Variants in RUNX2 observed in about 807,000 individuals in gnomAD.
RUNX2 encodes the protein RUNX family transcription factor 2, also known as runt-related transcription factor 2.
In RUNX2, 10 loss-of-function variants were observed where a neutral mutation model predicts 51.7. That is an observed-to-expected ratio of 0.19 (90% CI 0.12 to 0.33). RUNX2 has a LOEUF of 0.33. Among genes scored for constraint, RUNX2 ranks in the 10% least tolerant of loss-of-function variants. The probability of loss-of-function intolerance (pLI) is 1.00; values close to 1 mark genes in which losing one functional copy is unlikely to be tolerated. For missense variants in RUNX2, 562 were observed against 691.3 expected (o/e 0.81, Z 2.10); for synonymous variants, 276 against 273.6 (o/e 1.01, Z -0.09).
At chr6:45,439,382 T>C (rs1301049696) in intron 5 of RUNX2, among the ~76,000 whole-genome samples, 5 of 152,212 alleles carry the variant, frequency 3.3e-5, no homozygotes, top group Admixed American at 2.6e-4. Flanking sequence ...GGTTATGGAG[T>C]GCAGGTGAAT....
intron 7 of RUNX2, among the ~76,000 whole-genome samples, chr6:45,543,230 C>A (rs1802285697): frequency 1.3e-5 from 2 of 152,102 alleles, no homozygotes; most frequent in South Asian, 4.2e-4. Context: ...CTGGCAGTCC[C>A]CCAGGAAGAT....
At chr6:45,418,922 C>T (rs1798119398) in intron 2 of RUNX2, among the ~76,000 whole-genome samples, 1 of 152,066 alleles carries the variant, frequency 6.6e-6, no homozygotes, top group Non-Finnish European at 1.5e-5. Context: ...AGGAAGGATA[C>T]TGAGAAAGGC....
At chr6:45,521,738 A>C (rs1417373524) in intron 7 of RUNX2, among the ~76,000 whole-genome samples, 2 of 152,008 alleles carry the variant, frequency 1.3e-5, no homozygotes, top group African/African-American at 4.8e-5. Context: ...CTTTCTGTAT[A>C]GTATGGTTGC....
rs1413899769 is a variant in RUNX2, at chr6:45,458,472, C to CTAAGGAA, written c.685+20423_685+20429dup. Among the ~76,000 whole-genome samples, 5 of 152,182 alleles carry CTAAGGAA rather than the reference C, an allele frequency of 3.3e-5. No individual in the cohort carries two copies. In the South Asian group the frequency reaches 6.2e-4, roughly 19 times the overall value. On this transcript the variant is annotated intron_variant, in intron 5 of 8. Coordinates refer to ENST00000647337, the MANE Select transcript of RUNX2 (RefSeq NM_001024630.4). Reference sequence around the variant, plus strand: ...GAAATCAGATAGAAATATTGGGTTACTAAGGAATCAGCTGTGACAATTTTG... The same window carrying CTAAGGAA: ...GAAATCAGATAGAAATATTGGGTTACTAAGGAATAAGGAATCAGCTGTGACAATTTTG...
In RUNX2 at chr6:45,547,005, G is replaced by C. The variant is rs1201330071; in HGVS notation, c.1266G>C (p.Leu422=). The change falls in exon 9 of 9, where the codon CTG becomes CTC. Residue 422 remains leucine, a synonymous_variant. Transcript: ENST00000647337. ...MSATTHYHTY[L]PPPYPGSSQS... The stretch of plus-strand genomic sequence containing the variant: ...CCACCACTCACTACCACACCTACCT[G>C]CCACCACCCTACCCCGGCTCTTCCC... 1 of 1,613,848 alleles carries C rather than the reference G, an allele frequency of 6.2e-7. No homozygotes were observed. The highest frequency in any genetic ancestry group is 1.1e-5 in the South Asian group (1 of 91,062).
intron 5 of RUNX2, among the ~76,000 whole-genome samples, chr6:45,468,052 A>G (rs1340151093): frequency 1.3e-5 from 2 of 152,108 alleles, no homozygotes; most frequent in Non-Finnish European, 2.9e-5. Flanking sequence ...CCCACATGCT[A>G]CTCAACCAAG....
intron 7 of RUNX2, among the ~76,000 whole-genome samples, chr6:45,536,537 C>A (rs757550282): frequency 6.6e-6 from 1 of 152,128 alleles, no homozygotes; most frequent in South Asian, 2.1e-4. Flanking sequence ...ACCTGGGGAC[C>A]AAGCCTTTTG....
At position 45,509,758 on chromosome 6, in the gene RUNX2, G is replaced by A. The variant is rs1033159332; in HGVS notation, c.860-2488G>A. Among the ~76,000 whole-genome samples, 5 of 152,282 alleles carry A rather than the reference G, an allele frequency of 3.3e-5. No individual in the cohort carries two copies. The East Asian group carries it at 5.8e-4, about 18-fold the overall frequency. On this transcript the variant is annotated intron_variant, in intron 6 of 8. Transcript: ENST00000647337. The stretch of plus-strand genomic sequence containing the variant: ...AAGGAGAACTGTATCTTACATCCAG[G>A]TTGAGTACCCTAATTCCTTTTCGTC...
At chr6:45,500,631 A>G (rs976552313) in intron 6 of RUNX2, among the ~76,000 whole-genome samples, 2 of 152,182 alleles carry the variant, frequency 1.3e-5, no homozygotes, top group Non-Finnish European at 2.9e-5. Context: ...AAGATTTAGA[A>G]TGAAAAATGT....
chr6:45,462,052 A>G (rs1383694648), intron 5 of RUNX2, among the ~76,000 whole-genome samples: 1 of 152,218 alleles, frequency 6.6e-6, no homozygotes, highest in African/African-American at 2.4e-5. Context: ...AAATAATAAA[A>G]AAGACATTCA....
intron 6 of RUNX2, among the ~76,000 whole-genome samples, chr6:45,492,435 G>A (rs955348339): frequency 2.6e-5 from 4 of 152,108 alleles, no homozygotes; most frequent in Non-Finnish European, 5.9e-5. Flanking sequence ...TGGTGCAGGG[G>A]ATAACATCAC....
chr6:45,546,107 C>T (rs1802391067), intron 8 of RUNX2, among the ~76,000 whole-genome samples: 1 of 152,034 alleles, frequency 6.6e-6, no homozygotes, highest in African/African-American at 2.4e-5. Context: ...ACAAGTCTCC[C>T]ATCAAGACTT....
intron 2 of RUNX2, among the ~76,000 whole-genome samples, chr6:45,390,716 A>G (rs905474822): frequency 6.6e-6 from 1 of 152,160 alleles, no homozygotes; most frequent in Non-Finnish European, 1.5e-5. Flanking sequence ...ATTTTCCCCC[A>G]TGAGAAAGAA....
At chr6:45,330,095 A>G (rs1245970526) in intron 2 of RUNX2, among the ~76,000 whole-genome samples, 1 of 151,898 alleles carries the variant, frequency 6.6e-6, no homozygotes, top group Non-Finnish European at 1.5e-5. Flanking sequence ...TTACAGGGTG[A>G]GGAAATGTAC....
Position 45,520,779 on chromosome 6 carries a change from G to T in RUNX2, c.1021+8372G>T, listed in dbSNP as rs565234409. On this transcript the variant is annotated intron_variant, in intron 7 of 8. Transcript: ENST00000647337. ...TCTGTTGCCCAGGCTGGAGTGCAGT[G>T]GTGTGATCTCGGCTCACTACAGCCT... Among the ~76,000 whole-genome samples, 232 of 152,118 alleles carry T rather than the reference G, an allele frequency of 1.5e-3. 1 individual carries two copies. Among genetic ancestry groups the T allele is most frequent in the Admixed American group, 3.3e-3 (50 of 15,270 alleles).
chr6:45,356,253 G>A lies in RUNX2; in HGVS notation c.58+27469G>A, dbSNP rs1050533378. ...AAAATCTACATAGGTGTCCAAAAAA[G>A]ATATATTTGCAAAAGATGGCATACT... On this transcript the variant is annotated intron_variant, in intron 2 of 8. Coordinates refer to ENST00000647337, the MANE Select transcript of RUNX2 (RefSeq NM_001024630.4). Among the ~76,000 whole-genome samples, 2 of 151,396 alleles carry A rather than the reference G, an allele frequency of 1.3e-5. 1 individual carries two copies. The highest frequency in any genetic ancestry group is 1.3e-4 in the Admixed American group (2 of 15,194).
chr6:45,432,034 T>G lies in RUNX2; in HGVS notation c.580+15T>G. On this transcript the variant is annotated intron_variant, in intron 4 of 8. Coordinates refer to ENST00000647337, the MANE Select transcript of RUNX2 (RefSeq NM_001024630.4). ...GAGTGGACGAGGTAGGTCTCTGACT[T>G]TTGATACTGATAATAGAATAAGCAC... The G allele has an allele frequency of 6.2e-7, 1 of 1,613,270 alleles. No individual in the cohort carries two copies. The highest frequency in any genetic ancestry group is 8.5e-7 in the Non-Finnish European group (1 of 1,179,418).
At chr6:45,539,219 TTC>T (rs563329125) in intron 7 of RUNX2, among the ~76,000 whole-genome samples, 4 of 151,250 alleles carry the variant, frequency 2.6e-5, no homozygotes, top group Admixed American at 6.6e-5. Flanking sequence ...AGGTTTTTTT[TTC>T]TCTCTCTCTC....
At chr6:45,360,598 A>G (rs2150246307) in intron 2 of RUNX2, among the ~76,000 whole-genome samples, 1 of 152,318 alleles carries the variant, frequency 6.6e-6, no homozygotes. Context: ...TCTTCATAAT[A>G]CTTAAAAAAT....
Sources: allele counts gnomAD v4.1 joint callset (sites outside exome capture counted in the v4.1 genomes callset), GRCh38; gene constraint gnomAD v4.1.1; transcripts MANE v1.5; gene names NCBI Gene and HGNC (gene_info 2026-07-23, HGNC 2026-07-21).